Variants in NFU1 observed in about 807,000 individuals in gnomAD.
The protein encoded by NFU1 is NFU1 iron-sulfur cluster scaffold homolog, mitochondrial.
In NFU1, 30 loss-of-function variants were observed where a neutral mutation model predicts 32.2. That is an observed-to-expected ratio of 0.93 (90% confidence interval 0.70 to 1.26). The LOEUF (loss-of-function observed/expected upper bound fraction) is 1.26, where lower values mean the gene tolerates loss of function less well. NFU1 is among the 50% of genes most tolerant of loss of function. The probability of loss-of-function intolerance (pLI) is 0.00; values close to 1 mark genes in which losing one functional copy is unlikely to be tolerated. For synonymous variants in NFU1, 112 were observed against 104.6 expected (o/e 1.07, Z -0.43); for missense variants, 306 against 306.6 (o/e 1.00, Z 0.02).
At chr2:69,434,326 T>C (rs901231808) in intron 1 of NFU1, among the ~76,000 whole-genome samples, 2 of 151,128 alleles carry the variant, frequency 1.3e-5, no homozygotes, top group Non-Finnish European at 2.9e-5. Context: ...GTATTTTTAG[T>C]AGAGACAGGG....
At chr2:69,427,748 G>A (rs548525431) in intron 2 of NFU1, among the ~76,000 whole-genome samples, 3 of 150,512 alleles carry the variant, frequency 2.0e-5, no homozygotes, top group Admixed American at 1.3e-4. Flanking sequence ...TTGGAAGGCC[G>A]AGGTGGGCAG....
intron 1 of NFU1, among the ~76,000 whole-genome samples, chr2:69,435,032 G>A (rs2104821917): frequency 6.6e-6 from 1 of 152,332 alleles, no homozygotes; most frequent in Middle Eastern, 3.4e-3. Flanking sequence ...GATGTTTTCT[G>A]CAGGAGTAAT....
chr2:69,400,195 G>C (rs1166556844), intron 7 of NFU1, 169 bp downstream of exon 7: 1 of 641,286 alleles, frequency 1.6e-6, no homozygotes, highest in African/African-American at 1.8e-5. Flanking sequence ...TAAAATAAGA[G>C]ACTTCAAGTC....
intron 2 of NFU1, among the ~76,000 whole-genome samples, chr2:69,424,280 T>TTTTTTG (rs905728951): frequency 6.7e-6 from 1 of 149,248 alleles, no homozygotes; most frequent in African/African-American, 2.5e-5. Flanking sequence ...GGTTTTTGGG[T>TTTTTTG]TTTTTGTTTT....
chr2:69,416,861 G>C (rs1392022182), intron 4 of NFU1, among the ~76,000 whole-genome samples: 2 of 152,138 alleles, frequency 1.3e-5, no homozygotes, highest in Non-Finnish European at 2.9e-5. Context: ...TCGTGCCACT[G>C]CCCTCCAGCC....
At chr2:69,400,876 G>A (rs1044854707) in intron 6 of NFU1, among the ~76,000 whole-genome samples, 1 of 152,152 alleles carries the variant, frequency 6.6e-6, no homozygotes, top group Admixed American at 6.5e-5. Flanking sequence ...CTTGAGCCCA[G>A]GAGTTGGAAG....
upstream of NFU1, among the ~76,000 whole-genome samples, chr2:69,438,248 CTTTTT>C (rs373475726): frequency 6.9e-6 from 1 of 145,648 alleles, no homozygotes; most frequent in African/African-American, 2.5e-5. Context: ...TTGTTACTTG[CTTTTT>C]TTTTTTTTCT....
chr2:69,439,129 A>ATGGTCTGCACTCT (rs1006013731), upstream of NFU1, among the ~76,000 whole-genome samples: 2 of 152,064 alleles, frequency 1.3e-5, no homozygotes, highest in Non-Finnish European at 2.9e-5. Flanking sequence ...GCTTAAAAAA[A>ATGGTCTGCACTCT]TGGTCTGCAC....
intron 1 of NFU1, among the ~76,000 whole-genome samples, chr2:69,433,312 G>C (rs1673711102): frequency 6.6e-6 from 1 of 151,750 alleles, no homozygotes; most frequent in Non-Finnish European, 1.5e-5. Flanking sequence ...CCGAGTAGCT[G>C]AGATTACAGG....
intron 2 of NFU1, 119 bp downstream of exon 2, chr2:69,431,783 C>A: frequency 4.3e-6 from 3 of 705,742 alleles, no homozygotes; most frequent in Non-Finnish European, 7.5e-6. Context: ...TTCCTATATT[C>A]TATCTATAGG....
intron 7 of NFU1, among the ~76,000 whole-genome samples, chr2:69,397,630 A>G (rs984134056): frequency 2.5e-4 from 37 of 150,974 alleles, no homozygotes; most frequent in Non-Finnish European, 2.9e-5. Context: ...AAAAAAATCT[A>G]GGCCAGGCAC....
chr2:69,410,099 A>T (rs889596774), intron 5 of NFU1, among the ~76,000 whole-genome samples: 1 of 152,130 alleles, frequency 6.6e-6, no homozygotes, highest in Non-Finnish European at 1.5e-5. Context: ...ATTTTAAAAC[A>T]GATACAGGGT....
intron 4 of NFU1, chr2:69,416,334 TTTAA>T (rs1391457071): frequency 2.5e-4 from 36 of 146,738 alleles, no homozygotes; most frequent in African/African-American, 7.5e-4. Flanking sequence ...AAAATTAATA[TTTAA>T]TTAATTTAAA....
chr2:69,396,402 C>T (rs973197395), intron 7 of NFU1, 112 bp from the exon 8 acceptor site: 28 of 705,880 alleles, frequency 4.0e-5, no homozygotes, highest in Middle Eastern at 2.5e-4. Flanking sequence ...TGAGGCATGA[C>T]AAGCCAGTAA....
intron 6 of NFU1, among the ~76,000 whole-genome samples, chr2:69,403,683 T>A (rs1296103439): frequency 6.6e-6 from 1 of 151,724 alleles, no homozygotes; most frequent in African/African-American, 2.4e-5. Context: ...GTGCCCACCA[T>A]CTCATGCTTC....
At chr2:69,406,920 T>A (rs1344913840) in intron 5 of NFU1, among the ~76,000 whole-genome samples, 2 of 152,098 alleles carry the variant, frequency 1.3e-5, no homozygotes, top group African/African-American at 4.8e-5. Context: ...TGATAGTGAG[T>A]GAGTTCTCAC....
At chr2:69,415,144 A>T (rs1477084335) in intron 5 of NFU1, 41 bp downstream of exon 5, 5 of 1,151,172 alleles carry the variant, frequency 4.3e-6, no homozygotes, top group Non-Finnish European at 6.5e-6. Context: ...AGAAAAGTCT[A>T]AAAAAAGGAC....
intron 2 of NFU1, among the ~76,000 whole-genome samples, chr2:69,424,098 C>G (rs557293786): frequency 7.3e-6 from 1 of 136,444 alleles, no homozygotes; most frequent in Non-Finnish European, 1.5e-5. Context: ...CTTGAACCTG[C>G]GAGGCGGAGG....
At chr2:69,437,979 T>G (rs1052970413), upstream of NFU1, among the ~76,000 whole-genome samples, 15 of 152,234 alleles carry the variant, frequency 9.9e-5, no homozygotes, top group Non-Finnish European at 1.8e-4. Flanking sequence ...AGGATGTATC[T>G]GGTACAGTGC....
Sources: gnomAD v4.1 joint callset for allele counts (sites outside exome capture counted in the v4.1 genomes callset) on GRCh38, gnomAD v4.1.1 for gene constraint, MANE v1.5 for transcripts, NCBI Gene and HGNC (gene_info 2026-07-23, HGNC 2026-07-21) for gene names.